The following FMN1 variants were observed in gnomAD, a reference collection of about 807,000 sequenced individuals.
The protein encoded by FMN1 is formin-1.
Under a neutral mutation model 132.4 loss-of-function variants are expected in FMN1, and 110 were observed. The ratio of observed to expected loss-of-function variants is 0.83; its 90% CI spans 0.71 to 0.97. FMN1 has a LOEUF of 0.97. FMN1 is among the 50% of genes least tolerant of loss of function. The probability of loss-of-function intolerance (pLI) is 0.00; values close to 1 mark genes in which losing one functional copy is unlikely to be tolerated. For missense variants in FMN1, 1,792 were observed against 1,705.3 expected (o/e 1.05, Z -0.90); for synonymous variants, 722 against 651.7 (o/e 1.11, Z -1.64).
chr15:33,013,236 G>A (rs892311451), intron 6 of FMN1, among the ~76,000 whole-genome samples: 4 of 152,198 alleles, frequency 2.6e-5, no homozygotes, highest in African/African-American at 9.6e-5. Context: ...GGGCAAAAGA[G>A]TTAAGGACCA....
chr15:33,026,410 T>TCTCACACACACACACACACA lies in FMN1; in HGVS notation c.2162-18336_2162-18335insTGTGTGTGTGTGTGTGTGAG, dbSNP rs1555384314. 1.4e-4 allele frequency among the ~76,000 whole-genome samples: 19 copies of TCTCACACACACACACACACA among 140,216 alleles called. 1 individual carries two copies. Among genetic ancestry groups the TCTCACACACACACACACACA allele is most frequent in the Non-Finnish European group, 2.5e-4 (16 of 65,030 alleles). 92.0% of individuals were successfully genotyped at this position (140,216 alleles called of 152,430 possible). ...AACATTAGAGGATACGTCCAAATTT[T>TCTCACACACACACACACACA]CACACACACACACACACACACACAC... On this transcript the variant is annotated intron_variant, in intron 6 of 20. Transcript: ENST00000616417.
chr15:32,851,372 T>C (rs1004714), intron 17 of FMN1, among the ~76,000 whole-genome samples: 35,248 of 152,178 alleles, frequency 0.23, 4,247 homozygotes, highest in East Asian at 0.38. Context: ...AGTTGCTCTG[T>C]GCCTTCTTTT....
chr15:32,962,847 G>A (rs1485251926), intron 9 of FMN1, among the ~76,000 whole-genome samples: 9 of 151,584 alleles, frequency 5.9e-5, no homozygotes, highest in Admixed American at 2.0e-4. Context: ...GAAACAACAG[G>A]TGCTGGAGAG....
chr15:32,794,946 AG>A (rs1465696217), intron 19 of FMN1, among the ~76,000 whole-genome samples: 1 of 152,252 alleles, frequency 6.6e-6, no homozygotes, highest in Non-Finnish European at 1.5e-5. Context: ...CTGTAATCCC[AG>A]CACTTTGGGA....
intron 6 of FMN1, among the ~76,000 whole-genome samples, chr15:33,022,284 G>A (rs1226347641): frequency 6.6e-6 from 1 of 152,170 alleles, no homozygotes; most frequent in Non-Finnish European, 1.5e-5. Context: ...ATGGTCAATT[G>A]TACTTCATAC....
intron 6 of FMN1, chr15:33,063,322 T>C (rs61999985): frequency 0.031 from 4,771 of 152,516 alleles, 109 homozygotes; most frequent in Non-Finnish European, 0.048. Context: ...CATGTCACTA[T>C]GGACCGGCGG....
At chr15:33,117,405 C>G (rs2039969815) in intron 4 of FMN1, among the ~76,000 whole-genome samples, 1 of 152,180 alleles carries the variant, frequency 6.6e-6, no homozygotes, top group Non-Finnish European at 1.5e-5. Context: ...CTGAGAAATA[C>G]ACAGGGGCTG....
intron 5 of FMN1, among the ~76,000 whole-genome samples, chr15:33,077,648 G>A (rs1404358831): frequency 6.6e-6 from 1 of 151,788 alleles, no homozygotes; most frequent in Admixed American, 6.6e-5. Context: ...AGTTTGCTGA[G>A]AATGATGGTT....
chr15:33,035,304 T>G lies in FMN1; in HGVS notation c.2162-27229A>C, dbSNP rs543801026. Among the ~76,000 whole-genome samples the G allele has an allele frequency of 3.3e-5, 5 of 152,340 alleles. No homozygotes were observed. The East Asian group carries it at 9.6e-4, about 29-fold the overall frequency. On this transcript the variant is annotated intron_variant, in intron 6 of 20. Coordinates refer to ENST00000616417, the MANE Select transcript of FMN1 (RefSeq NM_001277313.2). The stretch of plus-strand genomic sequence containing the variant: ...TGACAAAGTCATAGTCTATCTATAT[T>G]CATGATGGAGGAAAATGCTAAATTT...
chr15:32,995,426 G>A (rs1485561561), intron 7 of FMN1, among the ~76,000 whole-genome samples: 1 of 152,162 alleles, frequency 6.6e-6, no homozygotes, highest in African/African-American at 2.4e-5. Context: ...CTCAGTGTAA[G>A]CTGAGTGTTA....
chr15:33,033,575 T>C (rs2036046877), intron 6 of FMN1, among the ~76,000 whole-genome samples: 1 of 152,134 alleles, frequency 6.6e-6, no homozygotes, highest in African/African-American at 2.4e-5. Context: ...GAACCTTCTT[T>C]CTGGCATACA....
chr15:32,795,670 A>G (rs553623800), intron 19 of FMN1, among the ~76,000 whole-genome samples: 11 of 152,042 alleles, frequency 7.2e-5, no homozygotes, highest in Middle Eastern at 3.4e-3. Flanking sequence ...ACTGCTCAGC[A>G]CTGCACATAT....
intron 9 of FMN1, among the ~76,000 whole-genome samples, chr15:32,961,660 G>C (rs2030570095): frequency 6.6e-6 from 1 of 152,158 alleles, no homozygotes; most frequent in South Asian, 2.1e-4. Context: ...GTCATATGTT[G>C]AGCACTGACA....
chr15:33,083,900 A>ATGCTAAAAGTGACCT, intron 5 of FMN1, among the ~76,000 whole-genome samples: 1 of 152,312 alleles, frequency 6.6e-6, no homozygotes. Flanking sequence ...GGTCATCCTC[A>ATGCTAAAAGTGACCT]CGGCTCATTA....
chr15:33,006,773 G>A (rs530652697), intron 7 of FMN1, among the ~76,000 whole-genome samples: 6 of 152,202 alleles, frequency 3.9e-5, no homozygotes, highest in East Asian at 1.9e-4. Flanking sequence ...ATTATGTTAC[G>A]TGAAATATGC....
rs199937772 is a variant in FMN1, at chr15:32,963,991, GGTAT to G, written c.3138+112_3138+115del. ...TATGATACACACACATATATGTATAGGTATGTGTGTGTGTGTATATACGATACAC... is the reference window on the plus strand; with the variant it reads ...TATGATACACACACATATATGTATAGGTGTGTGTGTGTATATACGATACAC... On this transcript the variant is annotated intron_variant, in intron 9 of 20. Coordinates refer to ENST00000616417, the MANE Select transcript of FMN1 (RefSeq NM_001277313.2). 45,888 of 519,020 alleles carry G rather than the reference GGTAT, an allele frequency of 0.088. 2,179 individuals are homozygous for G. The highest frequency in any genetic ancestry group is 0.18 in the African/African-American group (7,443 of 40,478). 32.2% of individuals were successfully genotyped at this position (519,020 alleles called of 1,614,324 possible).
At chr15:32,943,680 T>TAG (rs549849914) in intron 9 of FMN1, among the ~76,000 whole-genome samples, 43 of 152,356 alleles carry the variant, frequency 2.8e-4, no homozygotes, top group African/African-American at 9.6e-4. Context: ...ACTGATACTT[T>TAG]AGTTTGAATA....
intron 6 of FMN1, among the ~76,000 whole-genome samples, chr15:33,036,642 A>C (rs2036205953): frequency 6.6e-6 from 1 of 152,146 alleles, no homozygotes; most frequent in Admixed American, 6.5e-5. Context: ...GTAGAGTTTA[A>C]AATTTCTCTA....
At chr15:33,099,071 A>T (rs2039193663) in intron 4 of FMN1, among the ~76,000 whole-genome samples, 1 of 152,096 alleles carries the variant, frequency 6.6e-6, no homozygotes, top group South Asian at 2.1e-4. Flanking sequence ...GTTCAAGACC[A>T]GCCTGGGCAA....
Sources: gnomAD v4.1 joint callset for allele counts (sites outside exome capture counted in the v4.1 genomes callset) on GRCh38, gnomAD v4.1.1 for gene constraint, MANE v1.5 for transcripts, NCBI Gene and HGNC (gene_info 2026-07-23, HGNC 2026-07-21) for gene names.